ARK2C: variants seen among roughly 807,000 people sequenced by gnomAD.
ARK2C encodes the protein arkadia (RNF111) C-terminal like ring finger ubiquitin ligase 2C.
chr18:46,374,414 C>A, the ARK2C span, among the ~76,000 whole-genome samples: 80 of 152,274 alleles, frequency 5.3e-4, no homozygotes, highest in African/African-American at 1.9e-3. Flanking sequence ...AACACGAACT[C>A]CCCATTCTCC....
chr18:46,381,006 G>A, the ARK2C span, among the ~76,000 whole-genome samples: 39 of 152,312 alleles, frequency 2.6e-4, no homozygotes, highest in South Asian at 7.9e-3. Context: ...GAGTAGGAAC[G>A]CATGCCTCAT....
chr18:46,455,750 G>A, the ARK2C span, among the ~76,000 whole-genome samples: 1 of 152,168 alleles, frequency 6.6e-6, no homozygotes, highest in Non-Finnish European at 1.5e-5. Flanking sequence ...TGGGAGAATC[G>A]CTTGAACCCA....
the ARK2C span, chr18:46,337,561 T>C: frequency 3.0e-6 from 3 of 985,262 alleles, no homozygotes; most frequent in Non-Finnish European, 3.6e-6. Flanking sequence ...GCCTTTTTTT[T>C]TGTATCGTGT....
the ARK2C span, among the ~76,000 whole-genome samples, chr18:46,350,226 G>A: frequency 3.9e-5 from 6 of 152,174 alleles, no homozygotes; most frequent in African/African-American, 1.2e-4. Context: ...ATTTCAACAG[G>A]AGATGCAGGC....
the ARK2C span, among the ~76,000 whole-genome samples, chr18:46,414,712 G>A: frequency 1.3e-5 from 2 of 152,234 alleles, no homozygotes; most frequent in African/African-American, 4.8e-5. Flanking sequence ...ACAGCCTTGA[G>A]ACTCCAGAAG....
At chr18:46,389,034 G>A in the ARK2C span, among the ~76,000 whole-genome samples, 2 of 152,164 alleles carry the variant, frequency 1.3e-5, no homozygotes, top group African/African-American at 4.8e-5. Context: ...GTCCTATCTT[G>A]GCTCAAGGTC....
the ARK2C span, chr18:46,435,543 C>G: frequency 3.0e-6 from 2 of 660,446 alleles, no homozygotes; most frequent in Non-Finnish European, 5.3e-6. Context: ...CTGCTCCCAG[C>G]CACCCTCTGG....
At chr18:46,415,244 G>A in the ARK2C span, among the ~76,000 whole-genome samples, 26 of 152,214 alleles carry the variant, frequency 1.7e-4, no homozygotes, top group African/African-American at 6.3e-4. Flanking sequence ...AGGAAGGCGA[G>A]GCACAGTGGT....
the ARK2C span, among the ~76,000 whole-genome samples, chr18:46,424,861 A>T: frequency 6.6e-6 from 1 of 152,198 alleles, no homozygotes; most frequent in African/African-American, 2.4e-5. Context: ...CTTGGTAGTG[A>T]TGCCTTCCTC....
At chr18:46,400,825 C>T in the ARK2C span, among the ~76,000 whole-genome samples, 2 of 152,146 alleles carry the variant, frequency 1.3e-5, no homozygotes, top group East Asian at 1.9e-4. Context: ...AATCTTCCCC[C>T]TTGGTCTTCT....
At chr18:46,444,104 G>A in the ARK2C span, among the ~76,000 whole-genome samples, 2 of 151,930 alleles carry the variant, frequency 1.3e-5, no homozygotes, top group African/African-American at 4.8e-5. Flanking sequence ...CTTTGTTGTT[G>A]ATGGGAAATC....
At chr18:46,353,619 G>A in the ARK2C span, among the ~76,000 whole-genome samples, 1 of 152,216 alleles carries the variant, frequency 6.6e-6, no homozygotes, top group Non-Finnish European at 1.5e-5. Flanking sequence ...TGTGTGGGAG[G>A]ACTCTGAAAG....
the ARK2C span, among the ~76,000 whole-genome samples, chr18:46,362,167 G>T: frequency 6.6e-6 from 1 of 152,246 alleles, no homozygotes; most frequent in African/African-American, 2.4e-5. Context: ...TCAAGGGGCA[G>T]TCGCTGTCCC....
the ARK2C span, among the ~76,000 whole-genome samples, chr18:46,382,188 T>C: frequency 6.6e-6 from 1 of 152,156 alleles, no homozygotes; most frequent in South Asian, 2.1e-4. Flanking sequence ...GTAACACCCA[T>C]CCCTCCTGGA....
At chr18:46,389,204 C>T in the ARK2C span, among the ~76,000 whole-genome samples, 1 of 152,194 alleles carries the variant, frequency 6.6e-6, no homozygotes, top group African/African-American at 2.4e-5. Context: ...TATTTATTCA[C>T]CTCTGAAGGA....
chr18:46,342,507 A>C, the ARK2C span, among the ~76,000 whole-genome samples: 1 of 152,204 alleles, frequency 6.6e-6, no homozygotes, highest in African/African-American at 2.4e-5. Context: ...TGCATGGTGG[A>C]CCAGAAACTC....
the ARK2C span, among the ~76,000 whole-genome samples, chr18:46,377,885 G>A: frequency 1.3e-5 from 2 of 152,188 alleles, no homozygotes; most frequent in African/African-American, 4.8e-5. Flanking sequence ...AAAGGGTACA[G>A]GAGGGTAGGA....
At chr18:46,334,234 C>T in the ARK2C span, 1 of 1,394,230 alleles carries the variant, frequency 7.2e-7, no homozygotes, top group Non-Finnish European at 9.4e-7. This position sits in a 1 kb window ranked among gnomAD's most constrained non-coding sequence, Gnocchi z 4.4. Context: ...ACAAAGGGCC[C>T]GCGCGCAGCC....
chr18:46,400,058 C>T, the ARK2C span, among the ~76,000 whole-genome samples: 1 of 152,182 alleles, frequency 6.6e-6, no homozygotes, highest in Non-Finnish European at 1.5e-5. Context: ...CACTCTGGTC[C>T]CTGGAGCACT....
Sources: allele counts gnomAD v4.1 joint callset (sites outside exome capture counted in the v4.1 genomes callset), GRCh38; gene constraint gnomAD v4.1.1; non-coding constraint Gnocchi (gnomAD v3.1); transcripts MANE v1.5; gene names NCBI Gene and HGNC (gene_info 2026-07-23, HGNC 2026-07-21).